Variants in KCTD19 observed in about 807,000 individuals in gnomAD.
KCTD19 encodes potassium channel tetramerization domain containing 19.
In KCTD19, 67 loss-of-function variants were observed where a neutral mutation model predicts 103.5. The observed-to-expected ratio is 0.65, with a 90% CI of 0.53 to 0.79. KCTD19 has a LOEUF of 0.79. Ranked by LOEUF, KCTD19 falls within the 30% of genes least tolerant of loss-of-function variation. KCTD19 has a pLI of 0.00. For missense variants in KCTD19, 980 were observed against 1,136.1 expected (o/e 0.86, Z 1.98); for synonymous variants, 439 against 452.2 (o/e 0.97, Z 0.37).
intron 2 of KCTD19, among the ~76,000 whole-genome samples, chr16:67,310,727 T>G (rs977594571): frequency 6.6e-6 from 1 of 152,168 alleles, no homozygotes; most frequent in African/African-American, 2.4e-5. Flanking sequence ...TGGCAGAACT[T>G]TGGGACTTAA....
intron 2 of KCTD19, 63 bp from the exon 3 acceptor site, chr16:67,304,634 G>T: frequency 2.8e-6 from 4 of 1,404,528 alleles, no homozygotes; most frequent in Non-Finnish European, 4.0e-6. Context: ...ACCAATTCTA[G>T]TGTGAAGATC....
rs565026949 is a variant in KCTD19, at chr16:67,326,737, C to T, written c.-30G>A. Reference sequence around the variant, plus strand: ...GCGGCTCCAGCAGCGGGCGGGCGGGCTTGTGACCCGGCCAATAACGGTTCC... The same window carrying T: ...GCGGCTCCAGCAGCGGGCGGGCGGGTTTGTGACCCGGCCAATAACGGTTCC... On this transcript the variant is annotated 5_prime_UTR_variant, in exon 1 of 16. Coordinates refer to ENST00000304372, the MANE Select transcript of KCTD19 (RefSeq NM_001100915.3). 1 of 1,564,904 alleles carries T rather than the reference C, an allele frequency of 6.4e-7. No homozygotes were observed. The highest frequency in any genetic ancestry group is 8.6e-7 in the Non-Finnish European group (1 of 1,161,424).
intron 2 of KCTD19, among the ~76,000 whole-genome samples, chr16:67,314,799 T>TTTTATA (rs1403977344): frequency 2.2e-5 from 1 of 45,896 alleles, no homozygotes; most frequent in African/African-American, 1.1e-4. Flanking sequence ...TCACTTAGCA[T>TTTTATA]TATATATATA....
Position 67,303,108 on chromosome 16 carries a change from C to CGGGGGGGCG in KCTD19, c.643+37_643+38insCGCCCCCCC. 1.3e-6 allele frequency: 1 copy of CGGGGGGGCG among 798,078 alleles called. No individual in the cohort carries two copies. The highest frequency in any genetic ancestry group is 2.1e-6 in the Non-Finnish European group (1 of 476,660). The allele number at this position is 798,078 out of a possible 1,614,324, so 49.4% of individuals were successfully genotyped here. A position where few individuals can be genotyped will look rare whatever the true frequency, so the allele number is the denominator to read the frequency against. ...ATGGGGAGGGGTGAATGGGCCCTAT[C>CGGGGGGGCG]AGCCCGCCCCCCACCCCACCCCGGA... On this transcript the variant is annotated intron_variant, in intron 4 of 15. Coordinates refer to ENST00000304372, the MANE Select transcript of KCTD19 (RefSeq NM_001100915.3). This position sits in a 1 kb window ranked among gnomAD's most constrained non-coding sequence, Gnocchi z 4.3.
In KCTD19 at chr16:67,323,859, T is replaced by C. The variant is rs1195181542; in HGVS notation, c.3+2846A>G. Among the ~76,000 whole-genome samples, 2 of 151,568 alleles carry C rather than the reference T, an allele frequency of 1.3e-5. No homozygotes were observed. Among genetic ancestry groups the C allele is most frequent in the African/African-American group, 4.9e-5 (2 of 41,210 alleles). On this transcript the variant is annotated intron_variant, in intron 1 of 15. Coordinates refer to ENST00000304372, the MANE Select transcript of KCTD19 (RefSeq NM_001100915.3). This position sits in a 1 kb window ranked among gnomAD's most constrained non-coding sequence, Gnocchi z 4.1. The stretch of plus-strand genomic sequence containing the variant: ...TGTACACATTAAAATGTGTGAATTG[T>C]ATGGTATGTGAATTATATCTCAATA...
intron 1 of KCTD19, among the ~76,000 whole-genome samples, chr16:67,325,110 T>C (rs1199299728): frequency 3.3e-5 from 5 of 152,166 alleles, no homozygotes; most frequent in African/African-American, 1.2e-4. Flanking sequence ...TGTGCAGATG[T>C]TGGATGCCAA....
rs974943306 is a variant in KCTD19 at position 67,320,745 on chromosome 16, A to G, written c.144T>C (p.Ser48=). ...LLWKEASALT[S]SESQRLFIDR... ...CGATAAATAGCCTCTGGCTTTCTGA[A>G]GAGGTCAAGGCTGAAGCCTCTTTCC... Residue 48 remains serine (S), a synonymous_variant, in exon 2 of 16, where the codon TCT becomes TCC. Transcript: ENST00000304372. The surrounding 1 kb of genome is among the most constrained non-coding windows in gnomAD (Gnocchi z 4.0). 3 of 1,614,058 alleles carry G rather than the reference A, an allele frequency of 1.9e-6. No homozygotes were observed. The African/African-American group carries it at 4.0e-5, about 22-fold the overall frequency.
At chr16:67,291,570 G>C (rs1320654846) in intron 13 of KCTD19, 76 bp downstream of exon 13, 2 of 1,570,890 alleles carry the variant, frequency 1.3e-6, no homozygotes, top group Non-Finnish European at 1.7e-6. Context: ...CACTGTCTCT[G>C]CCTGAAGTAC....
chr16:67,303,334 A>C lies in KCTD19; in HGVS notation c.455T>G (p.Leu152Arg), dbSNP rs1426534870. The C allele has an allele frequency of 6.2e-7, 1 of 1,606,738 alleles. No individual in the cohort carries two copies. ...FPIKSPAFTG[L>R]HDKAPLGLMD... ...GAGCCCCAGAGGTGCCTTATCATGT[A>C]GGCCTGGAAGAGAACATGCAGGCAG... Residue 152 changes from leucine to arginine, a missense_variant, in exon 4 of 16, where the codon CTA becomes CGA. Physicochemically the swap from Leu to Arg is moderately radical, Grantham distance 102 (BLOSUM62 -2). Transcript: ENST00000304372. This position sits in a 1 kb window ranked among gnomAD's most constrained non-coding sequence, Gnocchi z 4.3.
chr16:67,295,826 C>T (rs1028820268), intron 8 of KCTD19: 2 of 355,616 alleles, frequency 5.6e-6, no homozygotes, highest in Non-Finnish European at 5.4e-6. Context: ...CTCACTGCAA[C>T]TTCTATCTCC....
intron 1 of KCTD19, among the ~76,000 whole-genome samples, chr16:67,321,452 T>G (rs535159210): frequency 6.6e-6 from 1 of 152,304 alleles, no homozygotes; most frequent in African/African-American, 2.4e-5. Context: ...CTCATGCTCA[T>G]GGATTGGAAG....
intron 5 of KCTD19, 162 bp from the exon 6 acceptor site, chr16:67,299,735 T>C (rs1362364300): frequency 3.3e-6 from 2 of 611,680 alleles, no homozygotes; most frequent in Non-Finnish European, 2.8e-6. Flanking sequence ...AAAATTAGTA[T>C]AATTTTTTTG....
intron 15 of KCTD19, among the ~76,000 whole-genome samples, chr16:67,290,468 G>A (rs1001459290): frequency 6.6e-5 from 10 of 152,078 alleles, no homozygotes; most frequent in Admixed American, 4.6e-4. Flanking sequence ...GTGAGCCACC[G>A]CGCCCGGCCT....
intron 11 of KCTD19, 129 bp from the exon 12 acceptor site, chr16:67,294,300 G>A: frequency 9.4e-7 from 1 of 1,063,494 alleles, no homozygotes; most frequent in Non-Finnish European, 1.4e-6. Context: ...CCTGACAGGG[G>A]TCACCCATTT....
Position 67,293,433 on chromosome 16 carries a change from G to T in KCTD19, c.2218+111C>A. 1 of 1,197,992 alleles carries T rather than the reference G, an allele frequency of 8.3e-7. No individual in the cohort carries two copies. Among genetic ancestry groups the T allele is most frequent in the Non-Finnish European group, 1.2e-6 (1 of 844,908 alleles). 74.2% of individuals were successfully genotyped at this position (1,197,992 alleles called of 1,614,324 possible). A position where few individuals can be genotyped will look rare whatever the true frequency, so the allele number is the denominator to read the frequency against. Reference sequence around the variant, plus strand: ...TGCCTGGCACAGAGATGGCATTGGTGAGCGGGGGGGTCTAGTCCTCCTTTG... The same window carrying T: ...TGCCTGGCACAGAGATGGCATTGGTTAGCGGGGGGGTCTAGTCCTCCTTTG... On this transcript the variant is annotated intron_variant, in intron 12 of 15. Transcript: ENST00000304372. The surrounding 1 kb of genome is among the most constrained non-coding windows in gnomAD (Gnocchi z 4.0).
intron 12 of KCTD19, among the ~76,000 whole-genome samples, chr16:67,292,871 A>T (rs1195594419): frequency 6.6e-6 from 1 of 152,052 alleles, no homozygotes; most frequent in East Asian, 1.9e-4. Flanking sequence ...ACACCTCAGT[A>T]AGGGCCTATC....
intron 4 of KCTD19, chr16:67,302,730 G>A (rs1041788008): frequency 5.1e-6 from 1 of 196,562 alleles, no homozygotes; most frequent in African/African-American, 2.4e-5. Flanking sequence ...ATTAAGAGCA[G>A]GTAGCACCAT....
intron 2 of KCTD19, among the ~76,000 whole-genome samples, chr16:67,307,342 C>G (rs1473991149): frequency 6.7e-6 from 1 of 149,040 alleles, no homozygotes; most frequent in Non-Finnish European, 1.5e-5. Flanking sequence ...GAGACAAGGT[C>G]TCACTCTGTT....
intron 4 of KCTD19, chr16:67,302,472 A>C (rs1344613916): frequency 6.3e-6 from 1 of 157,748 alleles, no homozygotes; most frequent in Admixed American, 6.3e-5. Context: ...TTGGGCTCCT[A>C]GTGTAACTTG....
Sources: gnomAD v4.1 joint callset for allele counts (sites outside exome capture counted in the v4.1 genomes callset) on GRCh38, gnomAD v4.1.1 for gene constraint, Gnocchi (gnomAD v3.1) non-coding constraint, MANE v1.5 for transcripts, NCBI Gene and HGNC (gene_info 2026-07-23, HGNC 2026-07-21) for gene names.